Variants in CFAP61 observed in about 807,000 individuals in gnomAD.
CFAP61 encodes the protein cilia- and flagella-associated protein 61.
In CFAP61, 107 loss-of-function variants were observed where a neutral mutation model predicts 135.6. That is an observed-to-expected ratio of 0.79 (90% CI 0.67 to 0.93). CFAP61 has a LOEUF of 0.93. Among genes scored for constraint, CFAP61 ranks in the 40% least tolerant of loss-of-function variants. The probability of loss-of-function intolerance (pLI) is 0.00; values close to 1 mark genes in which losing one functional copy is unlikely to be tolerated. For missense variants in CFAP61, 1,507 were observed against 1,556.2 expected, an observed-to-expected ratio of 0.97 and a Z score of 0.53; for synonymous variants, 575 against 578.5, an observed-to-expected ratio of 0.99 and a Z score of 0.09.
chr20:20,311,635 C>T lies in CFAP61; in HGVS notation c.3422+13249C>T, dbSNP rs530638260. On this transcript the variant is annotated intron_variant, in intron 25 of 26. Transcript: ENST00000245957. ...ACAGAGGGAGAGGGAGCTGAGGGTCCGGGGAGACCAAGGCAGGTGGAGTTG... is the reference window on the plus strand; with the variant it reads ...ACAGAGGGAGAGGGAGCTGAGGGTCTGGGGAGACCAAGGCAGGTGGAGTTG... Among the ~76,000 whole-genome samples the T allele has an allele frequency of 6.6e-5, 10 of 151,854 alleles. No individual in the cohort carries two copies. The South Asian group carries it at 8.4e-4, about 13-fold the overall frequency.
chr20:20,075,332 A>G, intron 5 of CFAP61, 76 bp downstream of exon 5: 2 of 1,528,324 alleles, frequency 1.3e-6, no homozygotes, highest in Non-Finnish European at 9.1e-7. Context: ...GCTTTGGGGA[A>G]TGAGAAATAA....
At chr20:20,240,469 G>A (rs1432560342) in intron 18 of CFAP61, among the ~76,000 whole-genome samples, 3 of 152,094 alleles carry the variant, frequency 2.0e-5, no homozygotes, top group Non-Finnish European at 4.4e-5. Context: ...GATCAGTGAT[G>A]GCACCCACTG....
chr20:20,253,698 G>A, intron 20 of CFAP61: 1 of 372,478 alleles, frequency 2.7e-6, no homozygotes, highest in Non-Finnish European at 5.3e-6. Context: ...TCTCTGTCAA[G>A]TGACATCTTT....
At chr20:20,296,123 C>T (rs796821634) in intron 24 of CFAP61, among the ~76,000 whole-genome samples, 1 of 772 alleles carries the variant, frequency 1.3e-3, no homozygotes, top group Non-Finnish European at 2.0e-3. Context: ...CCTTCCCTTC[C>T]TTCCTTCCTT....
intron 11 of CFAP61, 80 bp from the exon 12 acceptor site, chr20:20,166,317 G>A: frequency 8.6e-7 from 1 of 1,163,802 alleles, no homozygotes; most frequent in South Asian, 1.3e-5. Flanking sequence ...CGAGGGGAGG[G>A]AGCTGTAAAT....
At position 20,330,271 on chromosome 20, in the gene CFAP61, A is replaced by C. The variant is rs373443072; in HGVS notation, c.3423-11560A>C. Among the ~76,000 whole-genome samples, 16 of 152,294 alleles carry C rather than the reference A, an allele frequency of 1.1e-4. No homozygotes were observed. In the East Asian group the frequency reaches 2.9e-3, roughly 28 times the overall value. ...ATAAGCTATTTTACATTTTTGTTGC[A>C]TTATCTTCAAAATTCAGTGTGTATT... On this transcript the variant is annotated intron_variant, in intron 25 of 26. Coordinates refer to ENST00000245957, the MANE Select transcript of CFAP61 (RefSeq NM_015585.4).
Position 20,070,890 on chromosome 20 carries a change from CAAG to C in CFAP61, c.181_183del (p.Lys61del), listed in dbSNP as rs1215358304. ...ACCTTGCTGTTACCCTCTGCAATGACAAGGAGGAGATCATGGCCCAGGCCACCT... is the reference window on the plus strand; with the variant it reads ...ACCTTGCTGTTACCCTCTGCAATGACGAGGAGATCATGGCCCAGGCCACCT... On this transcript the variant is annotated inframe_deletion, in exon 3 of 27. Coordinates refer to ENST00000245957, the MANE Select transcript of CFAP61 (RefSeq NM_015585.4). The C allele has an allele frequency of 2.5e-6, 4 of 1,613,996 alleles. No homozygotes were observed. The highest frequency in any genetic ancestry group is 3.4e-6 in the Non-Finnish European group (4 of 1,179,934).
chr20:20,068,470 G>A (rs1600408820), intron 2 of CFAP61, among the ~76,000 whole-genome samples: 1 of 152,168 alleles, frequency 6.6e-6, no homozygotes, highest in South Asian at 2.1e-4. Context: ...AGGAACCTGG[G>A]ACAGTCTACT....
At chr20:20,259,199 C>T (rs372942286) in intron 20 of CFAP61, among the ~76,000 whole-genome samples, 3 of 150,340 alleles carry the variant, frequency 2.0e-5, no homozygotes, top group South Asian at 2.1e-4. Flanking sequence ...AACCCAGGCC[C>T]GGTAAGGTGG....
chr20:20,098,367 T>C (rs1403466428), intron 7 of CFAP61, among the ~76,000 whole-genome samples: 28 of 151,770 alleles, frequency 1.8e-4, no homozygotes, highest in Admixed American at 1.8e-3. Context: ...CCCAGCACTT[T>C]GGGAGGCCGA....
chr20:20,284,250 CTTTATTTTAT>C (rs749504536), intron 22 of CFAP61, among the ~76,000 whole-genome samples: 1,557 of 145,038 alleles, frequency 0.011, 17 homozygotes, highest in African/African-American at 0.034. Context: ...TCAATTGGCT[CTTTATTTTAT>C]TTTATTTTAT....
intron 25 of CFAP61, among the ~76,000 whole-genome samples, chr20:20,320,421 TATATATGTAATATAATATATGTA>T (rs2057417738): frequency 3.2e-5 from 2 of 62,438 alleles, no homozygotes; most frequent in African/African-American, 9.0e-5. Flanking sequence ...TAATATATAT[TATATATGTAATATAATATATGTA>T]ATATATATTA....
intron 3 of CFAP61, among the ~76,000 whole-genome samples, chr20:20,073,111 T>C (rs951130232): frequency 6.6e-6 from 1 of 152,220 alleles, no homozygotes; most frequent in African/African-American, 2.4e-5. Flanking sequence ...GTAATATTTA[T>C]GATGGAAGAG....
chr20:20,211,102 C>T (rs550180044), intron 17 of CFAP61, among the ~76,000 whole-genome samples: 1 of 152,134 alleles, frequency 6.6e-6, no homozygotes, highest in African/African-American at 2.4e-5. Context: ...TAGTAATTTT[C>T]CTAAAGCAAT....
At chr20:20,261,578 G>A (rs2052221794) in intron 20 of CFAP61, among the ~76,000 whole-genome samples, 1 of 152,170 alleles carries the variant, frequency 6.6e-6, no homozygotes, top group South Asian at 2.1e-4. Context: ...GGACCAAGTG[G>A]TGGCCCATTT....
intron 26 of CFAP61, 108 bp from the exon 27 acceptor site, chr20:20,360,102 C>A: frequency 2.5e-6 from 2 of 790,148 alleles, no homozygotes; most frequent in East Asian, 2.4e-5. Flanking sequence ...AAAAAAATGA[C>A]CATCCTTGCA....
At chr20:20,201,391 C>A (rs2056613537) in intron 17 of CFAP61, among the ~76,000 whole-genome samples, 1 of 152,180 alleles carries the variant, frequency 6.6e-6, no homozygotes, top group Admixed American at 6.6e-5. Context: ...CCCACCACTT[C>A]CCCTTTCTCC....
chr20:20,291,643 A>G (rs897291319), intron 24 of CFAP61, among the ~76,000 whole-genome samples: 7 of 152,202 alleles, frequency 4.6e-5, no homozygotes, highest in Non-Finnish European at 4.4e-5. Flanking sequence ...TTTCATGTCA[A>G]TGGAGCAAGT....
chr20:20,230,728 G>C (rs2146951045), intron 18 of CFAP61, among the ~76,000 whole-genome samples: 1 of 152,214 alleles, frequency 6.6e-6, no homozygotes, highest in South Asian at 2.1e-4. Context: ...ACTCATTTTT[G>C]TATTTTCAGT....
Sources: allele counts gnomAD v4.1 joint callset (sites outside exome capture counted in the v4.1 genomes callset), GRCh38; gene constraint gnomAD v4.1.1; transcripts MANE v1.5; gene names NCBI Gene and HGNC (gene_info 2026-07-23, HGNC 2026-07-21).